Variants in TMEM167A observed in about 807,000 individuals in gnomAD.
TMEM167A encodes the protein transmembrane protein 167A, also known as protein kish-A.
TMEM167A carries 8 observed loss-of-function variants against 11.6 expected under a neutral mutation model. That is an observed-to-expected ratio of 0.69 (90% confidence interval 0.40 to 1.24). The LOEUF (loss-of-function observed/expected upper bound fraction) is 1.24, where lower values mean the gene tolerates loss of function less well. Ranked by LOEUF, TMEM167A falls within the 50% of genes most tolerant of loss-of-function variation. The pLI, the probability that TMEM167A is intolerant of heterozygous loss-of-function variation, is 0.01. For missense variants in TMEM167A, 62 were observed against 87.0 expected (o/e 0.71, Z 1.14); for synonymous variants, 22 against 28.0 (o/e 0.79, Z 0.67).
intron 2 of TMEM167A, chr5:83,064,369 T>G (rs1263740499): frequency 5.8e-6 from 3 of 517,660 alleles, no homozygotes; most frequent in African/African-American, 5.8e-5. Context: ...ATTTTCGTGA[T>G]AGCATAGGGA....
In TMEM167A at chr5:83,053,081, C is replaced by T. The variant is rs919492507; in HGVS notation, c.*4003G>A. 3 of 151,868 alleles carry T rather than the reference C, an allele frequency of 2.0e-5. No homozygotes were observed. Among genetic ancestry groups the T allele is most frequent in the African/African-American group, 7.2e-5 (3 of 41,392 alleles). The allele number at this position is 151,868 out of a possible 1,614,324, so 9.4% of individuals were successfully genotyped here. A position where few individuals can be genotyped will look rare whatever the true frequency, so the allele number is the denominator to read the frequency against. On this transcript the variant is annotated 3_prime_UTR_variant, in exon 4 of 4. Transcript: ENST00000502346. ...GCTACTTTTCAGAAGCTAGTAGTAA[C>T]TTGCTTAGTAATAACCACAAGGTTG...
intron 1 of TMEM167A, among the ~76,000 whole-genome samples, chr5:83,066,303 G>T (rs531249457): frequency 6.6e-6 from 1 of 152,216 alleles, no homozygotes; most frequent in African/African-American, 2.4e-5. Flanking sequence ...AAAAAATCAG[G>T]AATGAAACAA....
chr5:83,059,063 T>C (rs573884744), intron 3 of TMEM167A, among the ~76,000 whole-genome samples: 28 of 151,952 alleles, frequency 1.8e-4, no homozygotes, highest in African/African-American at 6.3e-4. Flanking sequence ...AATGAAAAGC[T>C]AATGCTTTCA....
chr5:83,064,339 C>T (rs758564433), intron 2 of TMEM167A: 5 of 518,108 alleles, frequency 9.7e-6, no homozygotes, highest in Non-Finnish European at 1.9e-5. Flanking sequence ...CACATGCAAC[C>T]TACTTGCTTT....
At chr5:83,071,162 CAA>C (rs1388564789) in intron 1 of TMEM167A, among the ~76,000 whole-genome samples, 4 of 152,056 alleles carry the variant, frequency 2.6e-5, no homozygotes, top group Admixed American at 6.6e-5. Context: ...GGGCACTAAA[CAA>C]ATTGTTTAGC....
At chr5:83,062,672 G>A (rs1744423726) in intron 2 of TMEM167A, among the ~76,000 whole-genome samples, 1 of 151,880 alleles carries the variant, frequency 6.6e-6, no homozygotes, top group African/African-American at 2.4e-5. Context: ...TCAATGAATA[G>A]AGATATCTTA....
intron 2 of TMEM167A, among the ~76,000 whole-genome samples, chr5:83,062,175 TGA>T (rs1744416594): frequency 6.6e-6 from 1 of 152,160 alleles, no homozygotes; most frequent in African/African-American, 2.4e-5. Flanking sequence ...GGCAAATTAG[TGA>T]GAGTGGCAAA....
In TMEM167A at chr5:83,053,261, G is replaced by A. The variant is rs1744284568; in HGVS notation, c.*3823C>T. The A allele has an allele frequency of 6.6e-6, 1 of 151,924 alleles. No individual in the cohort carries two copies. The highest frequency in any genetic ancestry group is 1.5e-5 in the Non-Finnish European group (1 of 67,902). The allele number at this position is 151,924 out of a possible 1,614,324, so 9.4% of individuals were successfully genotyped here. A position where few individuals can be genotyped will look rare whatever the true frequency, so the allele number is the denominator to read the frequency against. On this transcript the variant is annotated 3_prime_UTR_variant, in exon 4 of 4. Transcript: ENST00000502346. ...CTCAAAGGCTTTGCAAAAAGCGTAA[G>A]TCCTTGCTTTTTGAGAATTTTTTTT...
At chr5:83,061,687 G>A (rs1472320937) in intron 3 of TMEM167A, among the ~76,000 whole-genome samples, 190 bp downstream of exon 3, 4 of 152,208 alleles carry the variant, frequency 2.6e-5, no homozygotes, top group African/African-American at 7.2e-5. Flanking sequence ...GAGCCACCAC[G>A]CCTGGCCCAA....
At chr5:83,075,696 G>C (rs912478934) in intron 1 of TMEM167A, among the ~76,000 whole-genome samples, 3 of 151,224 alleles carry the variant, frequency 2.0e-5, no homozygotes, top group Non-Finnish European at 1.5e-5. Flanking sequence ...AGTGAGCTGA[G>C]ATTATGCCAC....
rs1744312645 is a variant in TMEM167A at position 83,055,325 on chromosome 5, G to A, written c.*1759C>T. On this transcript the variant is annotated 3_prime_UTR_variant, in exon 4 of 4. Coordinates refer to ENST00000502346, the MANE Select transcript of TMEM167A (RefSeq NM_174909.5). ...AAAAAATTAGTTGACATGGCTTTCG[G>A]AAAGTCCAGTTGGCAGCAGAGCTGG... 6.6e-6 allele frequency: 1 copy of A among 151,862 alleles called. No individual in the cohort carries two copies. The highest frequency in any genetic ancestry group is 6.6e-5 in the Admixed American group (1 of 15,204). 9.4% of individuals were successfully genotyped at this position (151,862 alleles called of 1,614,324 possible).
At chr5:83,059,093 C>T (rs1744371584) in intron 3 of TMEM167A, among the ~76,000 whole-genome samples, 1 of 147,230 alleles carries the variant, frequency 6.8e-6, no homozygotes, top group Non-Finnish European at 1.5e-5. Context: ...CAAGAATGAA[C>T]ATTTAAAATG....
At chr5:83,060,718 C>G (rs570463238) in intron 3 of TMEM167A, among the ~76,000 whole-genome samples, 48 of 151,884 alleles carry the variant, frequency 3.2e-4, no homozygotes, top group Middle Eastern at 6.8e-3. Flanking sequence ...GTAATCCCAG[C>G]TACTCGGGAG....
rs1580175171 is a variant in TMEM167A at position 83,064,537 on chromosome 5, C to A, written c.113+471G>T. Reference sequence around the variant, plus strand: ...GCTTTAATTCTAAGTTTACAGTTGGCGGGTACAGAAGGGAAAGATACAATG... The same window carrying A: ...GCTTTAATTCTAAGTTTACAGTTGGAGGGTACAGAAGGGAAAGATACAATG... On this transcript the variant is annotated intron_variant, in intron 2 of 3. Transcript: ENST00000502346. Among the ~76,000 whole-genome samples the A allele has an allele frequency of 2.6e-5, 4 of 152,064 alleles. No homozygotes were observed. The South Asian group carries it at 6.2e-4, about 24-fold the overall frequency.
At position 83,054,858 on chromosome 5, in the gene TMEM167A, C is replaced by CT. The variant is rs1744306556; in HGVS notation, c.*2225dup. 1 of 151,900 alleles carries CT rather than the reference C, an allele frequency of 6.6e-6. No homozygotes were observed. Among genetic ancestry groups the CT allele is most frequent in the South Asian group, 2.1e-4 (1 of 4,822 alleles). The allele number at this position is 151,900 out of a possible 1,614,324, so 9.4% of individuals were successfully genotyped here. A position where few individuals can be genotyped will look rare whatever the true frequency, so the allele number is the denominator to read the frequency against. ...AAGTTAAAAAAATAAAAGGGATAGTCTATCTGATGCTTAAATTGATCTTTA... is the reference window on the plus strand; with the variant it reads ...AAGTTAAAAAAATAAAAGGGATAGTCTTATCTGATGCTTAAATTGATCTTTA... On this transcript the variant is annotated 3_prime_UTR_variant, in exon 4 of 4. Coordinates refer to ENST00000502346, the MANE Select transcript of TMEM167A (RefSeq NM_174909.5).
chr5:83,073,898 AC>A (rs1359120691), intron 1 of TMEM167A, among the ~76,000 whole-genome samples: 4 of 152,170 alleles, frequency 2.6e-5, no homozygotes, highest in African/African-American at 9.7e-5. Flanking sequence ...TTTCCTTTCA[AC>A]CCAACTGCTC....
rs766096751 is a variant in TMEM167A at position 83,057,837 on chromosome 5, G to A, written c.149-683C>T. 5.9e-5 allele frequency among the ~76,000 whole-genome samples: 9 copies of A among 152,064 alleles called. 1 individual carries two copies. Among genetic ancestry groups the A allele is most frequent in the Non-Finnish European group, 1.3e-4 (9 of 67,962 alleles). Reference sequence around the variant, plus strand: ...ATTTGGATGCTTTCCTTTGTACGAAGTAAATCTCAAACTGGCTTGTGAATT... The same window carrying A: ...ATTTGGATGCTTTCCTTTGTACGAAATAAATCTCAAACTGGCTTGTGAATT... On this transcript the variant is annotated intron_variant, in intron 3 of 3. Transcript: ENST00000502346.
At chr5:83,067,198 G>T (rs1744495525) in intron 1 of TMEM167A, among the ~76,000 whole-genome samples, 1 of 151,572 alleles carries the variant, frequency 6.6e-6, no homozygotes. Context: ...AACTAATTCT[G>T]AAGTTCATAT....
rs1744323238 is a variant in TMEM167A at position 83,055,815 on chromosome 5, T to TA, written c.*1268dup. The TA allele has an allele frequency of 6.6e-6, 1 of 151,590 alleles. No homozygotes were observed. Among genetic ancestry groups the TA allele is most frequent in the African/African-American group, 2.4e-5 (1 of 41,126 alleles). 9.4% of individuals were successfully genotyped at this position (151,590 alleles called of 1,614,324 possible). A position where few individuals can be genotyped will look rare whatever the true frequency, so the allele number is the denominator to read the frequency against. On this transcript the variant is annotated 3_prime_UTR_variant, in exon 4 of 4. Coordinates refer to ENST00000502346, the MANE Select transcript of TMEM167A (RefSeq NM_174909.5). ...TAATCTAGAAATAATTTTTTTTGTTTAAAAAAAGGGAGAGTTTCTTCATTT... is the reference window on the plus strand; with the variant it reads ...TAATCTAGAAATAATTTTTTTTGTTTAAAAAAAAGGGAGAGTTTCTTCATTT...
Sources: gnomAD v4.1 joint callset for allele counts (sites outside exome capture counted in the v4.1 genomes callset) on GRCh38, gnomAD v4.1.1 for gene constraint, MANE v1.5 for transcripts, NCBI Gene and HGNC (gene_info 2026-07-23, HGNC 2026-07-21) for gene names.